The following KLHL32 variants were observed in gnomAD, a reference collection of about 807,000 sequenced individuals.
KLHL32 encodes kelch-like protein 32.
A neutral mutation model predicts 64.8 loss-of-function variants in KLHL32; 35 were observed. The ratio of observed to expected loss-of-function variants is 0.54; its 90% CI spans 0.41 to 0.72. KLHL32 has a LOEUF of 0.72. KLHL32 is among the 30% of genes least tolerant of loss of function. The pLI is 0.00. For missense variants in KLHL32, 589 were observed against 768.5 expected (o/e 0.77, Z 2.76); for synonymous variants, 259 against 281.0 (o/e 0.92, Z 0.78).
chr6:97,073,041 C>T (rs979021796), intron 5 of KLHL32, among the ~76,000 whole-genome samples: 2 of 152,162 alleles, frequency 1.3e-5, no homozygotes, highest in Admixed American at 1.3e-4. Context: ...CTTACAAACA[C>T]AGTATCCTAC....
intron 3 of KLHL32, among the ~76,000 whole-genome samples, chr6:97,035,320 A>G (rs1408528231): frequency 2.6e-5 from 4 of 152,070 alleles, no homozygotes; most frequent in African/African-American, 9.7e-5. Context: ...TCCATCAACA[A>G]ATTTTGGTCT....
chr6:97,032,243 C>T (rs965487628), intron 3 of KLHL32, among the ~76,000 whole-genome samples: 1 of 152,256 alleles, frequency 6.6e-6, no homozygotes, highest in Non-Finnish European at 1.5e-5. Flanking sequence ...AAGATACTTA[C>T]GTAAACAGGA....
At chr6:97,029,722 G>A (rs993040374) in intron 3 of KLHL32, among the ~76,000 whole-genome samples, 18 of 152,290 alleles carry the variant, frequency 1.2e-4, no homozygotes, top group African/African-American at 3.9e-4. Context: ...GAAGGGAATG[G>A]ACTATTGCAG....
intron 3 of KLHL32, among the ~76,000 whole-genome samples, chr6:97,035,258 C>T (rs895443506): frequency 2.0e-5 from 3 of 152,050 alleles, no homozygotes; most frequent in Non-Finnish European, 4.4e-5. Context: ...TTACCACCTC[C>T]CCCAAACTTT....
intron 3 of KLHL32, among the ~76,000 whole-genome samples, chr6:97,031,028 T>C (rs965023931): frequency 2.0e-5 from 3 of 152,206 alleles, no homozygotes; most frequent in Admixed American, 6.5e-5. Flanking sequence ...TTCAAGATGT[T>C]ATATGCTTAA....
intron 1 of KLHL32, among the ~76,000 whole-genome samples, chr6:96,945,812 G>C (rs1272207169): frequency 6.6e-6 from 1 of 152,112 alleles, no homozygotes; most frequent in Non-Finnish European, 1.5e-5. Flanking sequence ...GGGCCCCGTT[G>C]GTGTCTACAT....
Position 97,114,362 on chromosome 6 carries a change from G to C in KLHL32, c.1207G>C (p.Val403Leu). The C allele has an allele frequency of 6.2e-7, 1 of 1,614,228 alleles. No homozygotes were observed. The highest frequency in any genetic ancestry group is 1.1e-5 in the South Asian group (1 of 91,088). The change falls in exon 7 of 11, where the codon GTT becomes CTT. Residue 403 changes from valine (V) to leucine (L), a missense_variant. Val to Leu is a conservative substitution (Grantham distance 32, BLOSUM62 1). Transcript: ENST00000369261. Reference sequence around the variant, plus strand: ...TGCCATGGAGGAATACCTCTATGCAGTTGGGGGCAGAAATGAACTGCGCCA... The same window carrying C: ...TGCCATGGAGGAATACCTCTATGCACTTGGGGGCAGAAATGAACTGCGCCA... ...LGAMEEYLYA[V>L]GGRNELRQVL...
intron 7 of KLHL32, among the ~76,000 whole-genome samples, chr6:97,121,312 AATT>A (rs1798342718): frequency 6.6e-6 from 1 of 152,216 alleles, no homozygotes; most frequent in South Asian, 2.1e-4. Context: ...TAGATGCTTA[AATT>A]GTAAAAAAGA....
chr6:97,131,008 T>G, intron 9 of KLHL32, 59 bp downstream of exon 9: 1 of 1,470,098 alleles, frequency 6.8e-7, no homozygotes. Context: ...ACCAAACTTG[T>G]TTCATAGACA....
intron 5 of KLHL32, among the ~76,000 whole-genome samples, chr6:97,078,699 A>G (rs1791994791): frequency 6.6e-6 from 1 of 152,190 alleles, no homozygotes; most frequent in Non-Finnish European, 1.5e-5. Context: ...ACAGCAAGAG[A>G]AATAGGTGTT....
intron 6 of KLHL32, among the ~76,000 whole-genome samples, chr6:97,103,527 T>A (rs973416266): frequency 6.6e-6 from 1 of 152,240 alleles, no homozygotes; most frequent in Non-Finnish European, 1.5e-5. Context: ...TCTGGGATTC[T>A]AACCAATATT....
intron 7 of KLHL32, among the ~76,000 whole-genome samples, chr6:97,126,581 T>C (rs1798897354): frequency 6.6e-6 from 1 of 152,202 alleles, no homozygotes; most frequent in East Asian, 1.9e-4. Context: ...ACAATAGCAA[T>C]TGCACTGAAG....
intron 3 of KLHL32, among the ~76,000 whole-genome samples, chr6:97,030,608 A>G (rs553900945): frequency 1.3e-5 from 2 of 152,316 alleles, no homozygotes; most frequent in Admixed American, 1.3e-4. Context: ...AGTCTGTGCA[A>G]TGCTTTCATA....
intron 1 of KLHL32, among the ~76,000 whole-genome samples, chr6:96,946,447 T>C (rs1291577004): frequency 6.6e-6 from 1 of 152,180 alleles, no homozygotes; most frequent in Non-Finnish European, 1.5e-5. Context: ...GTCTGTTCTG[T>C]TCACTGATAT....
intron 5 of KLHL32, among the ~76,000 whole-genome samples, chr6:97,075,960 A>T (rs1230224501): frequency 6.6e-6 from 1 of 152,228 alleles, no homozygotes; most frequent in Non-Finnish European, 1.5e-5. Flanking sequence ...AGATTTGCAC[A>T]GCGGGGTCTT....
intron 3 of KLHL32, among the ~76,000 whole-genome samples, chr6:96,976,682 T>C (rs1414932986): frequency 2.0e-5 from 3 of 152,148 alleles, no homozygotes; most frequent in African/African-American, 7.2e-5. Context: ...CACTGCAACC[T>C]CTGCTTCCTG....
At chr6:97,005,329 C>T (rs1779535783) in intron 3 of KLHL32, among the ~76,000 whole-genome samples, 1 of 151,890 alleles carries the variant, frequency 6.6e-6, no homozygotes, top group Non-Finnish European at 1.5e-5. Flanking sequence ...GGTAATGTCT[C>T]CTTTGTCATT....
At chr6:97,086,440 GAA>G (rs1793422847) in intron 6 of KLHL32, among the ~76,000 whole-genome samples, 1 of 152,148 alleles carries the variant, frequency 6.6e-6, no homozygotes, top group African/African-American at 2.4e-5. Context: ...GCAGCGTCCT[GAA>G]GGCCTTCTGG....
intron 3 of KLHL32, among the ~76,000 whole-genome samples, chr6:97,018,131 A>C (rs992869734): frequency 6.8e-6 from 1 of 147,636 alleles, no homozygotes; most frequent in Non-Finnish European, 1.5e-5. Context: ...AGAGTACAGT[A>C]AGTATAATTA....
Sources: allele counts gnomAD v4.1 joint callset (sites outside exome capture counted in the v4.1 genomes callset), GRCh38; gene constraint gnomAD v4.1.1; transcripts MANE v1.5; gene names NCBI Gene and HGNC (gene_info 2026-07-23, HGNC 2026-07-21).